Variants in ROR1 observed in about 807,000 individuals in gnomAD.
ROR1 encodes the protein inactive tyrosine-protein kinase transmembrane receptor ROR1.
ROR1 carries 19 observed loss-of-function variants against 78.8 expected under a neutral mutation model. The ratio of observed to expected loss-of-function variants is 0.24; its 90% CI spans 0.17 to 0.35. The LOEUF (loss-of-function observed/expected upper bound fraction) is 0.35. ROR1 is among the 10% of genes least tolerant of loss of function. The pLI, the probability that ROR1 is intolerant of heterozygous loss-of-function variation, is 1.00. For missense variants in ROR1, 917 were observed against 1,177.8 expected (o/e 0.78, Z 3.24); for synonymous variants, 386 against 433.6 (o/e 0.89, Z 1.36).
In ROR1 at chr1:64,159,043, G is replaced by A. The variant is rs750033689; in HGVS notation, c.1237G>A (p.Ala413Thr). 1.2e-6 allele frequency: 2 copies of A among 1,614,010 alleles called. No individual in the cohort carries two copies. Among genetic ancestry groups the A allele is most frequent in the Non-Finnish European group, 1.7e-6 (2 of 1,180,016 alleles). Residue 413 changes from alanine (A) to threonine (T), a missense_variant, in exon 8 of 9, where the codon GCC becomes ACC. By Grantham distance (58) the Ala-to-Thr change is moderately conservative. This residue lies in a region of ROR1 where 835 missense variants were observed against 1,069.8 expected (regional missense o/e 0.78). Coordinates refer to ENST00000371079, the MANE Select transcript of ROR1 (RefSeq NM_005012.4). Reference protein sequence around the residue: ...EILYILVPSVAIPLAIALLFF... With the variant: ...EILYILVPSVTIPLAIALLFF... The stretch of plus-strand genomic sequence containing the variant: ...CCTGTACATACTAGTGCCAAGTGTG[G>A]CCATTCCCCTGGCCATTGCTTTACT...
At chr1:64,119,379 G>A (rs927268876) in intron 4 of ROR1, among the ~76,000 whole-genome samples, 10 of 151,998 alleles carry the variant, frequency 6.6e-5, no homozygotes. Context: ...AGTGGCTCAT[G>A]CCTGTAATCC....
At chr1:63,829,847 A>G (rs909966854) in intron 1 of ROR1, among the ~76,000 whole-genome samples, 1 of 152,104 alleles carries the variant, frequency 6.6e-6, no homozygotes, top group African/African-American at 2.4e-5. Context: ...CAGTCATTTT[A>G]TGGAGTAAGA....
chr1:64,019,404 G>T (rs1162281468), intron 2 of ROR1, among the ~76,000 whole-genome samples: 1 of 152,138 alleles, frequency 6.6e-6, no homozygotes, highest in Non-Finnish European at 1.5e-5. Context: ...GTAAAATGGG[G>T]AGAATACCAG....
intron 4 of ROR1, chr1:64,111,258 C>T (rs1648084343): frequency 2.0e-5 from 3 of 152,180 alleles, no homozygotes; most frequent in Non-Finnish European, 1.5e-5. Context: ...TTTGAGGATG[C>T]TTCCATTTCT....
intron 1 of ROR1, among the ~76,000 whole-genome samples, chr1:63,939,349 T>G (rs1645818246): frequency 6.6e-6 from 1 of 152,132 alleles, no homozygotes; most frequent in Admixed American, 6.5e-5. Context: ...TGCAGCAAAG[T>G]TAAGGAATAC....
intron 4 of ROR1, among the ~76,000 whole-genome samples, chr1:64,060,438 C>G (rs1036794258): frequency 2.0e-5 from 3 of 152,212 alleles, no homozygotes; most frequent in Admixed American, 2.0e-4. Flanking sequence ...GCTGAAGTCT[C>G]CTTTCTGCAG....
intron 1 of ROR1, among the ~76,000 whole-genome samples, chr1:63,818,289 A>C (rs563220029): frequency 6.6e-6 from 1 of 152,354 alleles, no homozygotes; most frequent in East Asian, 1.9e-4. Context: ...GCTTCTTACC[A>C]GATTAGCTCT....
intron 1 of ROR1, among the ~76,000 whole-genome samples, chr1:63,980,594 C>T (rs1298020960): frequency 6.6e-6 from 1 of 152,238 alleles, no homozygotes; most frequent in Non-Finnish European, 1.5e-5. Context: ...AGGTAATTGT[C>T]AGGTCAGGCC....
At chr1:63,777,295 C>T (rs1276752286) in intron 1 of ROR1, among the ~76,000 whole-genome samples, 2 of 152,124 alleles carry the variant, frequency 1.3e-5, no homozygotes, top group Non-Finnish European at 2.9e-5. Context: ...CTTCCGTTGC[C>T]ATTTAAATAG....
intron 1 of ROR1, among the ~76,000 whole-genome samples, chr1:63,990,030 T>C (rs1218794528): frequency 6.6e-6 from 1 of 152,216 alleles, no homozygotes; most frequent in East Asian, 1.9e-4. Flanking sequence ...TTTTCTCTCC[T>C]GTCAGCTCCT....
At chr1:64,155,720 A>T (rs1393304530) in intron 7 of ROR1, among the ~76,000 whole-genome samples, 1 of 152,200 alleles carries the variant, frequency 6.6e-6, no homozygotes, top group Non-Finnish European at 1.5e-5. Context: ...TCTGGCCTGG[A>T]AAAATGACTA....
At position 64,118,088 on chromosome 1, in the gene ROR1, A is replaced by G. The variant is rs528247998; in HGVS notation, c.483-19281A>G. Among the ~76,000 whole-genome samples, 6 of 152,268 alleles carry G rather than the reference A, an allele frequency of 3.9e-5. No individual in the cohort carries two copies. In the East Asian group the frequency reaches 1.2e-3, roughly 29 times the overall value. On this transcript the variant is annotated intron_variant, in intron 4 of 8. Transcript: ENST00000371079. The stretch of plus-strand genomic sequence containing the variant: ...GTTTAGTGGTGGCACTTATGGTCCC[A>G]GCTACCCGGGAGGCTAAGGTGGGAG...
intron 8 of ROR1, among the ~76,000 whole-genome samples, chr1:64,176,054 A>T (rs1424666575): frequency 6.6e-6 from 1 of 152,254 alleles, no homozygotes; most frequent in Non-Finnish European, 1.5e-5. Context: ...GAAACATCAG[A>T]CTAAATTTGA....
At chr1:63,970,172 G>A (rs978423198) in intron 1 of ROR1, among the ~76,000 whole-genome samples, 15 of 151,796 alleles carry the variant, frequency 9.9e-5, no homozygotes, top group African/African-American at 3.4e-4. Flanking sequence ...AATCTTTATC[G>A]AATTCCCAAG....
chr1:64,025,043 C>A (rs535212151), intron 2 of ROR1, among the ~76,000 whole-genome samples: 2 of 152,132 alleles, frequency 1.3e-5, no homozygotes, highest in African/African-American at 4.8e-5. Flanking sequence ...ATCTATCAAT[C>A]TTTGGTGTCA....
At chr1:63,954,710 T>G (rs888863439) in intron 1 of ROR1, among the ~76,000 whole-genome samples, 1 of 152,214 alleles carries the variant, frequency 6.6e-6, no homozygotes, top group Non-Finnish European at 1.5e-5. Context: ...TACATGAAAT[T>G]AACATTGTAT....
intron 4 of ROR1, among the ~76,000 whole-genome samples, chr1:64,110,355 T>G (rs915205157): frequency 6.6e-6 from 1 of 152,152 alleles, no homozygotes; most frequent in Non-Finnish European, 1.5e-5. Flanking sequence ...CATTTGATGA[T>G]GAGGAATCTG....
At chr1:64,075,470 G>A (rs1208099611) in intron 4 of ROR1, among the ~76,000 whole-genome samples, 1 of 152,058 alleles carries the variant, frequency 6.6e-6, no homozygotes, top group Non-Finnish European at 1.5e-5. Context: ...TTTGTTTTTG[G>A]CAAGGTTTAA....
chr1:64,126,760 C>T (rs1319297686), intron 4 of ROR1, among the ~76,000 whole-genome samples: 1 of 152,090 alleles, frequency 6.6e-6, no homozygotes, highest in Non-Finnish European at 1.5e-5. Flanking sequence ...TAGGGAATGC[C>T]CTAGAGAAAC....
Sources: allele counts gnomAD v4.1 joint callset (sites outside exome capture counted in the v4.1 genomes callset), GRCh38; gene constraint gnomAD v4.1.1; regional missense constraint gnomAD v4.1.1; transcripts MANE v1.5; gene names NCBI Gene and HGNC (gene_info 2026-07-23, HGNC 2026-07-21).